PSMD11: variants seen among roughly 807,000 people sequenced by gnomAD.
PSMD11 encodes the protein 26S proteasome non-ATPase regulatory subunit 11.
In PSMD11, 5 loss-of-function variants were observed where a neutral mutation model predicts 62.3. The ratio of observed to expected loss-of-function variants is 0.08; its 90% CI spans 0.04 to 0.17. The LOEUF (loss-of-function observed/expected upper bound fraction) is 0.17. Among genes scored for constraint, PSMD11 ranks in the 10% least tolerant of loss-of-function variants. The pLI is 1.00. For synonymous variants in PSMD11, 191 were observed against 191.8 expected (o/e 1.00, Z 0.03); for missense variants, 310 against 512.9 (o/e 0.60, Z 3.82).
At chr17:32,474,963 C>T in intron 8 of PSMD11, 139 bp downstream of exon 8, 1 of 802,808 alleles carries the variant, frequency 1.2e-6, no homozygotes, top group Non-Finnish European at 2.1e-6. Flanking sequence ...TTCCCTTAAG[C>T]CCATTCAGTG....
intron 9 of PSMD11, 63 bp from the exon 10 acceptor site, chr17:32,479,188 C>G (rs1908417661): frequency 1.9e-6 from 3 of 1,583,428 alleles, no homozygotes; most frequent in South Asian, 1.2e-5. Context: ...ATCTAGGAAG[C>G]AGGAGTAGCA....
chr17:32,464,624 AT>A, intron 5 of PSMD11, 46 bp downstream of exon 5: 1 of 1,444,360 alleles, frequency 6.9e-7, no homozygotes, highest in South Asian at 1.2e-5. Flanking sequence ...AAATGAATGT[AT>A]TCTAAACCAC....
chr17:32,455,517 G>C (rs73272899), intron 3 of PSMD11, among the ~76,000 whole-genome samples: 1,996 of 152,268 alleles, frequency 0.013, 33 homozygotes, highest in African/African-American at 0.046. Context: ...CTCTGTGGGC[G>C]TGAAAGGTAT....
chr17:32,447,446 T>G (rs544898523), intron 2 of PSMD11: 1 of 154,426 alleles, frequency 6.5e-6, no homozygotes, highest in East Asian at 1.9e-4. Context: ...CTCACTGTCA[T>G]TTTTTTTTGA....
chr17:32,461,362 C>G (rs1907836208), intron 3 of PSMD11, among the ~76,000 whole-genome samples: 1 of 152,122 alleles, frequency 6.6e-6, no homozygotes, highest in African/African-American at 2.4e-5. Context: ...CAGGCATGAG[C>G]CACTGTGCCC....
At chr17:32,469,524 G>A (rs1472987554) in intron 6 of PSMD11, among the ~76,000 whole-genome samples, 1 of 152,162 alleles carries the variant, frequency 6.6e-6, no homozygotes, top group African/African-American at 2.4e-5. Flanking sequence ...CCCCAAGTCT[G>A]TTGACTCTTG....
At chr17:32,466,424 AT>A (rs746953344) in intron 5 of PSMD11, among the ~76,000 whole-genome samples, 5 of 152,006 alleles carry the variant, frequency 3.3e-5, no homozygotes, top group African/African-American at 4.8e-5. Context: ...ATGATACAAT[AT>A]TTGTTTCTCT....
At position 32,482,350 on chromosome 17, in the gene PSMD11, C is replaced by T. The variant is rs1908519723; in HGVS notation, c.*1598C>T. 6.6e-6 allele frequency: 1 copy of T among 151,648 alleles called. No homozygotes were observed. Among genetic ancestry groups the T allele is most frequent in the Non-Finnish European group, 1.5e-5 (1 of 68,024 alleles). The allele number at this position is 151,648 out of a possible 1,614,324, so 9.4% of individuals were successfully genotyped here. On this transcript the variant is annotated 3_prime_UTR_variant, in exon 14 of 14. Coordinates refer to ENST00000261712, the MANE Select transcript of PSMD11 (RefSeq NM_002815.4). ...GGTATATCTGATGTTCAGATGAGTT[C>T]CAATAAAAATAATTTTTTTTTTTTT...
At chr17:32,454,973 G>T in intron 3 of PSMD11, 2 of 211,364 alleles carry the variant, frequency 9.5e-6, no homozygotes, top group Non-Finnish European at 1.9e-5. Context: ...TAAGTCTTGT[G>T]GTATTCCTTC....
chr17:32,449,046 T>C (rs1166383167), intron 2 of PSMD11, among the ~76,000 whole-genome samples: 3 of 152,214 alleles, frequency 2.0e-5, no homozygotes, highest in Non-Finnish European at 2.9e-5. Context: ...TGATAATTAC[T>C]CCATGCAAAA....
chr17:32,465,343 C>A (rs1239629997), intron 5 of PSMD11, among the ~76,000 whole-genome samples: 2 of 151,986 alleles, frequency 1.3e-5, no homozygotes, highest in Non-Finnish European at 2.9e-5. Context: ...AAACTACTGA[C>A]CTCAAGTGAT....
intron 1 of PSMD11, chr17:32,446,050 G>C (rs1440535895): frequency 6.6e-6 from 1 of 152,108 alleles, no homozygotes; most frequent in Non-Finnish European, 1.5e-5. Flanking sequence ...TCATAAAGTA[G>C]AAATTACGTC....
intron 3 of PSMD11, among the ~76,000 whole-genome samples, chr17:32,460,902 A>T (rs1907816735): frequency 6.6e-6 from 1 of 151,962 alleles, no homozygotes; most frequent in Non-Finnish European, 1.5e-5. Flanking sequence ...GGAGTGAGAG[A>T]GTGAGGATGG....
intron 3 of PSMD11, 129 bp downstream of exon 3, chr17:32,454,748 T>C: frequency 1.0e-6 from 1 of 1,004,264 alleles, no homozygotes; most frequent in Non-Finnish European, 1.4e-6. Flanking sequence ...ACTTATCATG[T>C]CAGTTTCTCT....
At chr17:32,451,464 G>A (rs1907497057) in intron 2 of PSMD11, among the ~76,000 whole-genome samples, 1 of 152,184 alleles carries the variant, frequency 6.6e-6, no homozygotes, top group Non-Finnish European at 1.5e-5. Context: ...TAACTATAGA[G>A]CCATATATTA....
At chr17:32,454,644 T>C (rs1440094033) in intron 3 of PSMD11, 25 bp downstream of exon 3, 1 of 1,607,792 alleles carries the variant, frequency 6.2e-7, no homozygotes, top group South Asian at 1.1e-5. Context: ...TGACAGAAAG[T>C]AGACAATATG....
At chr17:32,455,511 G>A (rs1907622318) in intron 3 of PSMD11, among the ~76,000 whole-genome samples, 1 of 152,322 alleles carries the variant, frequency 6.6e-6, no homozygotes, top group East Asian at 1.9e-4. Context: ...TGTAGCCTCT[G>A]TGGGCGTGAA....
chr17:32,448,163 G>A (rs1597829184), intron 2 of PSMD11, among the ~76,000 whole-genome samples: 1 of 148,202 alleles, frequency 6.7e-6, no homozygotes, highest in Middle Eastern at 3.4e-3. Flanking sequence ...CCAGGTGTGA[G>A]CCATTGTGCC....
Position 32,469,003 on chromosome 17 carries a change from T to C in PSMD11, c.453T>C (p.Ser151=), listed in dbSNP as rs1908079081. Residue 151 remains serine, a synonymous_variant, in exon 6 of 14, where the codon TCT becomes TCC. Transcript: ENST00000261712. ...GAATGTCTTTTCCTTTTTCAGGTTC[T>C]CAGCTGCTGCGGGAGTTGAAAAAGA... The part of the protein sequence containing the change: ...KRYQEALHLG[S]QLLRELKKMD... 1 of 1,613,374 alleles carries C rather than the reference T, an allele frequency of 6.2e-7. No individual in the cohort carries two copies. The highest frequency in any genetic ancestry group is 1.7e-5 in the Admixed American group (1 of 59,884).
Sources: allele counts gnomAD v4.1 joint callset (sites outside exome capture counted in the v4.1 genomes callset), GRCh38; gene constraint gnomAD v4.1.1; transcripts MANE v1.5; gene names NCBI Gene and HGNC (gene_info 2026-07-23, HGNC 2026-07-21).